The following RELCH variants were observed in gnomAD, a reference collection of about 807,000 sequenced individuals.
RELCH encodes the protein RAB11 binding and LisH domain, coiled-coil and HEAT repeat containing.
Under a neutral mutation model 150.3 loss-of-function variants are expected in RELCH, and 41 were observed. That is an observed-to-expected ratio of 0.27 (90% CI 0.21 to 0.35). The LOEUF (loss-of-function observed/expected upper bound fraction) is 0.35. RELCH is among the 10% of genes least tolerant of loss of function. The pLI, the probability that RELCH is intolerant of heterozygous loss-of-function variation, is 1.00. For missense variants in RELCH, 1,092 were observed against 1,467.8 expected, an observed-to-expected ratio of 0.74 and a Z score of 4.18; for synonymous variants, 478 against 531.8, an observed-to-expected ratio of 0.90 and a Z score of 1.39.
intron 1 of RELCH, among the ~76,000 whole-genome samples, chr18:62,207,752 A>G (rs1482583524): frequency 6.6e-6 from 1 of 152,210 alleles, no homozygotes; most frequent in Non-Finnish European, 1.5e-5. Flanking sequence ...AAATTGTACA[A>G]CTGTCACCAC....
At chr18:62,291,099 T>C (rs1243382746) in intron 26 of RELCH, among the ~76,000 whole-genome samples, 1 of 152,222 alleles carries the variant, frequency 6.6e-6, no homozygotes, top group Non-Finnish European at 1.5e-5. Context: ...TATATTTTTC[T>C]CAATCGTTTA....
At chr18:62,217,847 T>C (rs988600468) in intron 2 of RELCH, among the ~76,000 whole-genome samples, 1 of 151,724 alleles carries the variant, frequency 6.6e-6, no homozygotes, top group Non-Finnish European at 1.5e-5. Context: ...GTGGGAAGAA[T>C]TTTTTTTAAG....
intron 15 of RELCH, among the ~76,000 whole-genome samples, chr18:62,261,058 CAAAG>C (rs1313378357): frequency 1.3e-5 from 2 of 151,888 alleles, no homozygotes; most frequent in African/African-American, 4.8e-5. Flanking sequence ...GTTCCTAACA[CAAAG>C]AAATGATACA....
At chr18:62,208,322 T>G (rs1271910208) in intron 1 of RELCH, among the ~76,000 whole-genome samples, 7 of 148,640 alleles carry the variant, frequency 4.7e-5, no homozygotes, top group Non-Finnish European at 1.0e-4. Context: ...TTGTGTAGAT[T>G]GTGTTTTCAC....
At chr18:62,302,906 CAAAGA>C (rs1377320104) in intron 28 of RELCH, among the ~76,000 whole-genome samples, 1 of 152,120 alleles carries the variant, frequency 6.6e-6, no homozygotes, top group African/African-American at 2.4e-5. Flanking sequence ...ATATTAGTTG[CAAAGA>C]AAAGATCTGA....
chr18:62,253,267 T>TTGTGTGTGTGTGTG (rs68067609), intron 12 of RELCH, among the ~76,000 whole-genome samples: 61 of 136,548 alleles, frequency 4.5e-4, no homozygotes, highest in Middle Eastern at 3.6e-3. Flanking sequence ...AGCAAGAAGA[T>TTGTGTGTGTGTGTG]TGTGTGTGTG....
At chr18:62,230,427 T>C (rs1168750220) in intron 8 of RELCH, among the ~76,000 whole-genome samples, 1 of 152,116 alleles carries the variant, frequency 6.6e-6, no homozygotes, top group Non-Finnish European at 1.5e-5. Flanking sequence ...TACTCTATAA[T>C]CATAGAAATT....
chr18:62,264,855 A>T lies in RELCH; in HGVS notation c.2631+3A>T. ...GCAAAATTTTTACAAACACTAAGGT[A>T]AAAACTTGTATTCCATGTTTTCTTA... On this transcript the variant is annotated splice_donor_region_variant and intron_variant, in intron 18 of 28. Transcript: ENST00000644646. 1 of 1,602,528 alleles carries T rather than the reference A, an allele frequency of 6.2e-7. No homozygotes were observed. The highest frequency in any genetic ancestry group is 8.5e-7 in the Non-Finnish European group (1 of 1,174,858).
At chr18:62,229,520 G>GTGTGTGTA (rs1491500558) in intron 8 of RELCH, among the ~76,000 whole-genome samples, 2 of 142,300 alleles carry the variant, frequency 1.4e-5, no homozygotes, top group Non-Finnish European at 3.0e-5. Flanking sequence ...GTGTGTGTGT[G>GTGTGTGTA]TCTGTCTGTC....
chr18:62,188,366 T>A (rs553589415), intron 1 of RELCH, among the ~76,000 whole-genome samples: 2 of 152,182 alleles, frequency 1.3e-5, no homozygotes, highest in African/African-American at 2.4e-5. Flanking sequence ...AGCATTTTCC[T>A]TTTTCTCCAG....
intron 23 of RELCH, 161 bp from the exon 24 acceptor site, chr18:62,280,485 T>C: frequency 6.4e-7 from 1 of 1,550,960 alleles, no homozygotes; most frequent in Non-Finnish European, 8.9e-7. Context: ...CTGTCTGTCT[T>C]TTTGAGCATT....
intron 28 of RELCH, among the ~76,000 whole-genome samples, chr18:62,303,528 A>G (rs560433146): frequency 9.2e-5 from 14 of 152,306 alleles, no homozygotes; most frequent in African/African-American, 3.4e-4. Context: ...TGACCCATAC[A>G]TCCCCTTTTT....
intron 1 of RELCH, among the ~76,000 whole-genome samples, chr18:62,199,426 C>T (rs2039275890): frequency 6.6e-6 from 1 of 152,058 alleles, no homozygotes; most frequent in Non-Finnish European, 1.5e-5. Flanking sequence ...TCTTTCATGC[C>T]TAGCATAAAT....
intron 10 of RELCH, among the ~76,000 whole-genome samples, chr18:62,243,900 G>A (rs980756607): frequency 1.3e-5 from 2 of 151,954 alleles, no homozygotes; most frequent in Non-Finnish European, 2.9e-5. Flanking sequence ...TTACATCATA[G>A]TGATTTCTTT....
In RELCH at chr18:62,308,436, T is replaced by G. The variant is rs1283796710; in HGVS notation, c.*2902T>G. 1 of 152,246 alleles carries G rather than the reference T, an allele frequency of 6.6e-6. No individual in the cohort carries two copies. The highest frequency in any genetic ancestry group is 1.5e-5 in the Non-Finnish European group (1 of 68,058). 9.4% of individuals were successfully genotyped at this position (152,246 alleles called of 1,614,324 possible). On this transcript the variant is annotated 3_prime_UTR_variant, in exon 29 of 29. Transcript: ENST00000644646. Reference sequence around the variant, plus strand: ...TCTTCAATGTTACACTTAAAGAGCTTTGGACTGTGCGCTGTGGCTCACGCC... The same window carrying G: ...TCTTCAATGTTACACTTAAAGAGCTGTGGACTGTGCGCTGTGGCTCACGCC...
chr18:62,305,568 TG>T lies in RELCH; in HGVS notation c.*36del. Reference sequence around the variant, plus strand: ...AAGAAGCCCCCAGTAAACACTAAGATGGACCTCAAGCCGACTGGTTCCTTGT... The same window carrying T: ...AAGAAGCCCCCAGTAAACACTAAGATGACCTCAAGCCGACTGGTTCCTTGT... On this transcript the variant is annotated 3_prime_UTR_variant, in exon 29 of 29. Coordinates refer to ENST00000644646, the MANE Select transcript of RELCH (RefSeq NM_001346231.2). This position sits in a 1 kb window ranked among gnomAD's most constrained non-coding sequence, Gnocchi z 4.0. The T allele has an allele frequency of 6.3e-7, 1 of 1,584,714 alleles. No individual in the cohort carries two copies. The highest frequency in any genetic ancestry group is 8.6e-7 in the Non-Finnish European group (1 of 1,168,080).
intron 10 of RELCH, among the ~76,000 whole-genome samples, 164 bp downstream of exon 10, chr18:62,232,591 C>T (rs745800547): frequency 5.9e-5 from 9 of 152,018 alleles, no homozygotes; most frequent in Non-Finnish European, 1.2e-4. Context: ...TGGTTTTACA[C>T]CTCTGTCAGG....
chr18:62,279,694 T>A, intron 22 of RELCH, 80 bp from the exon 23 acceptor site: 1 of 907,386 alleles, frequency 1.1e-6, no homozygotes, highest in South Asian at 1.5e-5. Context: ...CTCTTGGTTG[T>A]TCCTTCCTTC....
At chr18:62,257,734 T>C (rs17069659) in intron 13 of RELCH, among the ~76,000 whole-genome samples, 10,308 of 151,950 alleles carry the variant, frequency 0.068, 426 homozygotes, top group Middle Eastern at 0.14. Context: ...GATTTGGGCA[T>C]GAGTGATATT....
Sources: gnomAD v4.1 joint callset for allele counts (sites outside exome capture counted in the v4.1 genomes callset) on GRCh38, gnomAD v4.1.1 for gene constraint, Gnocchi (gnomAD v3.1) non-coding constraint, MANE v1.5 for transcripts, NCBI Gene and HGNC (gene_info 2026-07-23, HGNC 2026-07-21) for gene names.